MAGI2: variants seen among roughly 807,000 people sequenced by gnomAD.
MAGI2 encodes the protein membrane-associated guanylate kinase, WW and PDZ domain-containing protein 2.
Under a neutral mutation model 133.3 loss-of-function variants are expected in MAGI2, and 35 were observed. That is an observed-to-expected ratio of 0.26 (90% CI 0.20 to 0.35). The LOEUF is 0.35. Among genes scored for constraint, MAGI2 ranks in the 10% least tolerant of loss-of-function variants. The probability of loss-of-function intolerance (pLI) is 1.00; values close to 1 mark genes in which losing one functional copy is unlikely to be tolerated. For missense variants in MAGI2, 1,636 were observed against 1,863.4 expected (o/e 0.88, Z 2.25); for synonymous variants, 729 against 710.6 (o/e 1.03, Z -0.41).
At chr7:78,995,672 A>G (rs910128294) in intron 2 of MAGI2, among the ~76,000 whole-genome samples, 5 of 152,142 alleles carry the variant, frequency 3.3e-5, no homozygotes, top group Admixed American at 1.3e-4. Flanking sequence ...TAATCTATTT[A>G]ATTTTGATTC....
At chr7:78,606,572 T>C (rs180904957) in intron 3 of MAGI2, among the ~76,000 whole-genome samples, 17 of 152,280 alleles carry the variant, frequency 1.1e-4, no homozygotes, top group Non-Finnish European at 2.1e-4. Context: ...GTGCTAGTTT[T>C]TGGAATGTTC....
At chr7:79,149,899 A>C (rs1328482278) in intron 1 of MAGI2, among the ~76,000 whole-genome samples, 1 of 152,234 alleles carries the variant, frequency 6.6e-6, no homozygotes, top group Non-Finnish European at 1.5e-5. Context: ...ATTAGGAAAG[A>C]CTTTAGTAGG....
chr7:79,204,086 A>C (rs2129552143), intron 1 of MAGI2, among the ~76,000 whole-genome samples: 1 of 152,194 alleles, frequency 6.6e-6, no homozygotes, highest in African/African-American at 2.4e-5. Context: ...GATACAGTTC[A>C]CATGGTGGGA....
chr7:78,908,330 A>C (rs1798136910), intron 2 of MAGI2, among the ~76,000 whole-genome samples: 1 of 152,226 alleles, frequency 6.6e-6, no homozygotes, highest in Admixed American at 6.5e-5. Context: ...CCAGTGTTTA[A>C]ATTTTGGCAT....
At chr7:78,319,811 A>T (rs543900019) in intron 9 of MAGI2, among the ~76,000 whole-genome samples, 5 of 152,262 alleles carry the variant, frequency 3.3e-5, no homozygotes, top group African/African-American at 1.2e-4. Context: ...AACACAAAAA[A>T]CCCTTCAAAA....
intron 2 of MAGI2, among the ~76,000 whole-genome samples, chr7:78,925,589 A>G (rs1250122475): frequency 6.6e-6 from 1 of 152,080 alleles, no homozygotes; most frequent in Non-Finnish European, 1.5e-5. Flanking sequence ...GCTTTTATAA[A>G]AATGGAATTT....
intron 3 of MAGI2, among the ~76,000 whole-genome samples, chr7:78,605,489 A>C (rs542558854): frequency 6.6e-6 from 1 of 152,352 alleles, no homozygotes; most frequent in East Asian, 1.9e-4. Context: ...TAACCACACC[A>C]TGAAGGAAAG....
chr7:79,373,945 T>C (rs1221008311), intron 1 of MAGI2, among the ~76,000 whole-genome samples: 1 of 152,046 alleles, frequency 6.6e-6, no homozygotes, highest in African/African-American at 2.4e-5. Flanking sequence ...TTAATGGTAA[T>C]TTTATGCCAT....
intron 11 of MAGI2, among the ~76,000 whole-genome samples, chr7:78,195,822 A>G (rs1355164585): frequency 6.6e-6 from 1 of 152,216 alleles, no homozygotes; most frequent in African/African-American, 2.4e-5. Context: ...ATCAAGGAGG[A>G]AGCCAGACTC....
intron 10 of MAGI2, among the ~76,000 whole-genome samples, chr7:78,248,442 A>G (rs781081325): frequency 2.0e-5 from 3 of 152,174 alleles, no homozygotes; most frequent in Admixed American, 6.5e-5. Context: ...TTGAATGTAA[A>G]TGGATTGAAA....
chr7:79,050,983 C>T (rs1442480379), intron 1 of MAGI2, among the ~76,000 whole-genome samples: 1 of 152,120 alleles, frequency 6.6e-6, no homozygotes, highest in African/African-American at 2.4e-5. Context: ...TAAAAGGAGA[C>T]AAAACATGCT....
chr7:79,242,343 T>C (rs1563036325), intron 1 of MAGI2, among the ~76,000 whole-genome samples: 2 of 152,124 alleles, frequency 1.3e-5, no homozygotes, highest in Admixed American at 1.3e-4. Flanking sequence ...AATCTGTAAT[T>C]TCATTGACCA....
chr7:79,153,701 G>A (rs962197930), intron 1 of MAGI2, among the ~76,000 whole-genome samples: 2 of 152,176 alleles, frequency 1.3e-5, no homozygotes, highest in African/African-American at 4.8e-5. Flanking sequence ...GCCATGGCTG[G>A]GTTTTTATCA....
chr7:78,749,648 G>A (rs1823266489), intron 2 of MAGI2, among the ~76,000 whole-genome samples: 1 of 152,090 alleles, frequency 6.6e-6, no homozygotes, highest in Non-Finnish European at 1.5e-5. Flanking sequence ...GATTGCAGAG[G>A]GCCTCAAATG....
intron 2 of MAGI2, among the ~76,000 whole-genome samples, chr7:78,686,419 A>ATAT (rs1309038637): frequency 3.3e-5 from 5 of 152,168 alleles, no homozygotes; most frequent in Admixed American, 6.5e-5. Context: ...TTCTTCATTA[A>ATAT]TATTAGCAGG....
At chr7:79,418,645 C>A (rs776025053) in intron 1 of MAGI2, among the ~76,000 whole-genome samples, 1 of 151,896 alleles carries the variant, frequency 6.6e-6, no homozygotes, top group Non-Finnish European at 1.5e-5. Context: ...GGTCTTTCTA[C>A]AGGGAAGAAG....
At chr7:78,789,076 C>G (rs115983206) in intron 2 of MAGI2, among the ~76,000 whole-genome samples, 1,543 of 152,230 alleles carry the variant, frequency 0.01, 25 homozygotes, top group African/African-American at 0.035. Context: ...ATACTAATAA[C>G]AGTTCACTTT....
At chr7:79,000,191 C>G (rs925591405) in intron 2 of MAGI2, 15 of 152,162 alleles carry the variant, frequency 9.9e-5, no homozygotes, top group African/African-American at 3.1e-4. Context: ...CTTAAAGATA[C>G]TCTCAATACA....
chr7:78,078,767 T>G, intron 21 of MAGI2, 180 bp downstream of exon 21: 1 of 665,426 alleles, frequency 1.5e-6, no homozygotes, highest in Non-Finnish European at 2.5e-6. Flanking sequence ...TTCCTGGGCA[T>G]AAACATACGT....
Sources: gnomAD v4.1 joint callset for allele counts (sites outside exome capture counted in the v4.1 genomes callset) on GRCh38, gnomAD v4.1.1 for gene constraint, MANE v1.5 for transcripts, NCBI Gene and HGNC (gene_info 2026-07-23, HGNC 2026-07-21) for gene names.